Variants in NKAIN2 observed in about 807,000 individuals in gnomAD.
The protein encoded by NKAIN2 is sodium/potassium transporting ATPase interacting 2.
A neutral mutation model predicts 32.6 loss-of-function variants in NKAIN2; 14 were observed. The observed-to-expected ratio is 0.43, with a 90% confidence interval of 0.28 to 0.67. NKAIN2 has a LOEUF of 0.67. Among genes scored for constraint, NKAIN2 ranks in the 30% least tolerant of loss-of-function variants. The pLI is 0.17. For synonymous variants in NKAIN2, 80 were observed against 87.2 expected (o/e 0.92, Z 0.46); for missense variants, 198 against 258.3 (o/e 0.77, Z 1.60).
chr6:124,275,929 T>C (rs1187240013), intron 1 of NKAIN2, among the ~76,000 whole-genome samples: 1 of 152,140 alleles, frequency 6.6e-6, no homozygotes, highest in Non-Finnish European at 1.5e-5. Context: ...GACTTATGTA[T>C]TATAACATCC....
intron 3 of NKAIN2, among the ~76,000 whole-genome samples, chr6:124,363,177 A>G (rs1328679948): frequency 1.3e-5 from 2 of 152,160 alleles, no homozygotes; most frequent in Non-Finnish European, 2.9e-5. Context: ...TAAATTGACC[A>G]TGAGATAAAG....
intron 3 of NKAIN2, among the ~76,000 whole-genome samples, chr6:124,552,526 C>T (rs647887): frequency 0.22 from 33,097 of 152,062 alleles, 3,848 homozygotes; most frequent in Middle Eastern, 0.3. Flanking sequence ...GAAGAGACAT[C>T]GAAGTCCATC....
At chr6:124,814,215 T>C (rs1484550974) in intron 5 of NKAIN2, among the ~76,000 whole-genome samples, 1 of 152,192 alleles carries the variant, frequency 6.6e-6, no homozygotes, top group Non-Finnish European at 1.5e-5. Flanking sequence ...TTGGATCCAG[T>C]TGATGCCTAT....
intron 1 of NKAIN2, among the ~76,000 whole-genome samples, chr6:123,858,545 T>C (rs151275655): frequency 6.6e-6 from 1 of 152,346 alleles, no homozygotes; most frequent in East Asian, 1.9e-4. Context: ...CATGGAGTTA[T>C]AGAGGAATAC....
intron 3 of NKAIN2, among the ~76,000 whole-genome samples, chr6:124,442,847 A>G (rs1248895615): frequency 2.0e-5 from 3 of 152,090 alleles, no homozygotes; most frequent in Non-Finnish European, 4.4e-5. Context: ...AACTACCATT[A>G]GGCTTGCTCA....
intron 4 of NKAIN2, among the ~76,000 whole-genome samples, chr6:124,737,015 T>G (rs1776979838): frequency 6.6e-6 from 1 of 151,898 alleles, no homozygotes; most frequent in Non-Finnish European, 1.5e-5. Flanking sequence ...AGATTTTCCT[T>G]TTTATTCTAG....
intron 3 of NKAIN2, among the ~76,000 whole-genome samples, chr6:124,600,955 A>G (rs1782281983): frequency 1.3e-5 from 2 of 152,044 alleles, no homozygotes; most frequent in Non-Finnish European, 2.9e-5. Flanking sequence ...TGCCATTACT[A>G]CTGGTGTCTG....
intron 4 of NKAIN2, among the ~76,000 whole-genome samples, chr6:124,687,241 T>C (rs2114522470): frequency 6.9e-6 from 1 of 144,964 alleles, no homozygotes; most frequent in African/African-American, 2.5e-5. Context: ...ATAGAGAGAA[T>C]ATATATATTA....
intron 4 of NKAIN2, among the ~76,000 whole-genome samples, chr6:124,776,854 A>T (rs558057201): frequency 1.3e-5 from 2 of 152,152 alleles, no homozygotes; most frequent in East Asian, 3.9e-4. Flanking sequence ...GTAGTCTTTT[A>T]TCAGTTACTT....
intron 1 of NKAIN2, among the ~76,000 whole-genome samples, chr6:124,075,945 C>T (rs1014350410): frequency 6.6e-6 from 1 of 152,194 alleles, no homozygotes; most frequent in East Asian, 1.9e-4. Flanking sequence ...TACATGCACA[C>T]ACTTTTGTAT....
intron 1 of NKAIN2, among the ~76,000 whole-genome samples, chr6:124,056,157 A>G (rs1164544950): frequency 6.6e-6 from 1 of 152,022 alleles, no homozygotes; most frequent in Non-Finnish European, 1.5e-5. Flanking sequence ...AATAAAAGTA[A>G]TGAGGCCATT....
chr6:124,638,784 G>A (rs560957131), intron 3 of NKAIN2, among the ~76,000 whole-genome samples: 27 of 150,926 alleles, frequency 1.8e-4, no homozygotes, highest in African/African-American at 4.6e-4. Context: ...CCAGCTACTC[G>A]GGAGGCTGGG....
At chr6:124,274,159 G>GTAT (rs1017017098) in intron 1 of NKAIN2, among the ~76,000 whole-genome samples, 4 of 152,108 alleles carry the variant, frequency 2.6e-5, no homozygotes, top group African/African-American at 9.7e-5. Context: ...TGCCTCTGCA[G>GTAT]TATTATTATT....
intron 2 of NKAIN2, among the ~76,000 whole-genome samples, chr6:124,338,937 G>A (rs1156460708): frequency 1.3e-5 from 2 of 152,194 alleles, no homozygotes; most frequent in Non-Finnish European, 2.9e-5. Context: ...TGACAGAGAG[G>A]TTAGGTGGGG....
rs1183144341 is a variant in NKAIN2, at chr6:123,976,262, TATGTTTCC to T, written c.54+172011_54+172018del. 3.0e-3 allele frequency among the ~76,000 whole-genome samples: 332 copies of T among 111,322 alleles called. 18 individuals are homozygous for T. Among genetic ancestry groups the T allele is most frequent in the African/African-American group, 8.3e-3 (262 of 31,504 alleles). The allele number at this position is 111,322 out of a possible 152,430, so 73.0% of individuals were successfully genotyped here. ...AATAGCAAGAACATATATATATATATATGTTTCCATATATATGTTTCCATATATATGTT... is the reference window on the plus strand; with the variant it reads ...AATAGCAAGAACATATATATATATATATATATATGTTTCCATATATATGTT... On this transcript the variant is annotated intron_variant, in intron 1 of 6. Transcript: ENST00000368417.
At chr6:124,289,663 G>A (rs1562473621) in intron 2 of NKAIN2, among the ~76,000 whole-genome samples, 1 of 152,120 alleles carries the variant, frequency 6.6e-6, no homozygotes. Context: ...TGTCCATGGA[G>A]CTCAGGTCTC....
intron 3 of NKAIN2, among the ~76,000 whole-genome samples, chr6:124,363,298 C>A (rs1175743708): frequency 6.6e-6 from 1 of 152,124 alleles, no homozygotes; most frequent in Non-Finnish European, 1.5e-5. Flanking sequence ...GTAATGACTA[C>A]TCAAAAAAAG....
At chr6:124,109,762 T>G (rs1582661216) in intron 1 of NKAIN2, among the ~76,000 whole-genome samples, 1 of 152,036 alleles carries the variant, frequency 6.6e-6, no homozygotes, top group African/African-American at 2.4e-5. Context: ...TCTTGTTATA[T>G]TCAGGTAATT....
chr6:124,356,791 T>G (rs1277228894), intron 3 of NKAIN2, among the ~76,000 whole-genome samples: 1 of 152,186 alleles, frequency 6.6e-6, no homozygotes, highest in Non-Finnish European at 1.5e-5. Context: ...TACTCTATAA[T>G]CCACTTTCTT....
Sources: allele counts gnomAD v4.1 joint callset (sites outside exome capture counted in the v4.1 genomes callset), GRCh38; gene constraint gnomAD v4.1.1; transcripts MANE v1.5; gene names NCBI Gene and HGNC (gene_info 2026-07-23, HGNC 2026-07-21).